CWC27: variants seen among roughly 807,000 people sequenced by gnomAD.
CWC27 encodes the protein CWC27 spliceosome associated cyclophilin, also known as spliceosome-associated protein CWC27 homolog.
In CWC27, 47 loss-of-function variants were observed where a neutral mutation model predicts 63.6. The ratio of observed to expected loss-of-function variants is 0.74; its 90% CI spans 0.58 to 0.94. CWC27 has a LOEUF of 0.94. Among genes scored for constraint, CWC27 ranks in the 40% least tolerant of loss-of-function variants. CWC27 has a pLI of 0.00. For missense variants in CWC27, 495 were observed against 554.3 expected (o/e 0.89, Z 1.07); for synonymous variants, 175 against 179.8 (o/e 0.97, Z 0.22).
At chr5:64,809,401 T>C (rs11748352) in intron 10 of CWC27, among the ~76,000 whole-genome samples, 55,188 of 152,066 alleles carry the variant, frequency 0.36, 10,585 homozygotes, top group East Asian at 0.51. Flanking sequence ...GCAGTCTCGC[T>C]CTGTTGCCCA....
chr5:64,936,834 G>A (rs1164799003), intron 11 of CWC27, among the ~76,000 whole-genome samples: 1 of 152,130 alleles, frequency 6.6e-6, no homozygotes, highest in Non-Finnish European at 1.5e-5. Flanking sequence ...TTTGGAGGGT[G>A]TATGTGTCCA....
intron 7 of CWC27, among the ~76,000 whole-genome samples, chr5:64,790,317 G>A (rs1182098324): frequency 3.3e-5 from 5 of 152,004 alleles, no homozygotes; most frequent in African/African-American, 7.2e-5. Context: ...ATTCCTTAAC[G>A]TCACCAATCA....
chr5:64,885,739 T>TGTGTGTGTG (rs1427858737), intron 11 of CWC27, among the ~76,000 whole-genome samples, 193 bp downstream of exon 11: 460 of 24,268 alleles, frequency 0.019, 5 homozygotes, highest in African/African-American at 0.036. Context: ...GTGTGTGTGT[T>TGTGTGTGTG]TTTAATACTT....
chr5:64,864,891 T>C (rs1261210558), intron 10 of CWC27, among the ~76,000 whole-genome samples: 1 of 152,132 alleles, frequency 6.6e-6, no homozygotes, highest in African/African-American at 2.4e-5. Context: ...TGTTTTATGG[T>C]GAGAACATTT....
intron 10 of CWC27, chr5:64,884,402 A>C (rs1223731342): frequency 6.6e-6 from 1 of 152,222 alleles, no homozygotes; most frequent in Non-Finnish European, 1.5e-5. Context: ...GAACTGAGTT[A>C]CACACATCGT....
At chr5:64,800,505 C>T (rs780357643) in intron 8 of CWC27, among the ~76,000 whole-genome samples, 178 bp downstream of exon 8, 11 of 152,262 alleles carry the variant, frequency 7.2e-5, no homozygotes, top group Non-Finnish European at 1.2e-4. Flanking sequence ...GAGAAACAAA[C>T]GCTCTAGTCA....
At chr5:64,808,209 G>A in intron 10 of CWC27, 1 of 1,005,434 alleles carries the variant, frequency 9.9e-7, no homozygotes, top group Non-Finnish European at 1.2e-6. Context: ...ATCCCCAGGT[G>A]ATTTTTGTGT....
intron 7 of CWC27, among the ~76,000 whole-genome samples, chr5:64,798,492 TTAAG>T (rs1744359756): frequency 6.6e-6 from 1 of 152,198 alleles, no homozygotes; most frequent in Non-Finnish European, 1.5e-5. Context: ...ACTCCTTAGT[TTAAG>T]TAAGTTTATG....
At chr5:64,981,144 C>T (rs1012654471) in intron 13 of CWC27, among the ~76,000 whole-genome samples, 1 of 151,864 alleles carries the variant, frequency 6.6e-6, no homozygotes, top group Non-Finnish European at 1.5e-5. Flanking sequence ...CAGACACACT[C>T]AAAAAAGGTA....
intron 11 of CWC27, among the ~76,000 whole-genome samples, chr5:64,888,306 T>C (rs9686133): frequency 1.4e-5 from 2 of 147,506 alleles, no homozygotes; most frequent in Non-Finnish European, 3.0e-5. Context: ...AATATAATTA[T>C]ATATAATATA....
In CWC27 at chr5:64,846,489, T is replaced by C. The variant is rs1217415060; in HGVS notation, c.939-38954T>C. ...TTATCAGCTTATACTTGATTGTTTA[T>C]AAGCTGTTATCAGTTTATACTTGAT... On this transcript the variant is annotated intron_variant, in intron 10 of 13. Coordinates refer to ENST00000381070, the MANE Select transcript of CWC27 (RefSeq NM_005869.4). 3.3e-5 allele frequency among the ~76,000 whole-genome samples: 5 copies of C among 152,348 alleles called. No individual in the cohort carries two copies. In the East Asian group the frequency reaches 9.6e-4, roughly 29 times the overall value.
chr5:64,874,810 C>G (rs1371065452), intron 10 of CWC27, among the ~76,000 whole-genome samples: 1 of 151,398 alleles, frequency 6.6e-6, no homozygotes, highest in Admixed American at 6.6e-5. Context: ...AAAATGTACT[C>G]TATTCAGCAC....
chr5:64,853,843 C>T (rs1746194008), intron 10 of CWC27, among the ~76,000 whole-genome samples: 1 of 152,220 alleles, frequency 6.6e-6, no homozygotes, highest in Non-Finnish European at 1.5e-5. Flanking sequence ...AGGAGACAAA[C>T]ATCCAAACTA....
chr5:64,841,603 A>C (rs1023855923), intron 10 of CWC27, among the ~76,000 whole-genome samples: 19 of 152,104 alleles, frequency 1.2e-4, no homozygotes, highest in Non-Finnish European at 2.4e-4. Flanking sequence ...CTTCCACATA[A>C]ATATTTAAGA....
intron 10 of CWC27, among the ~76,000 whole-genome samples, chr5:64,866,641 G>A (rs1224046773): frequency 1.3e-5 from 2 of 151,918 alleles, no homozygotes; most frequent in East Asian, 1.9e-4. Flanking sequence ...TGATTTCCCC[G>A]TGAGTTCTTC....
intron 10 of CWC27, among the ~76,000 whole-genome samples, chr5:64,876,034 A>G (rs907746576): frequency 1.3e-5 from 2 of 152,144 alleles, no homozygotes; most frequent in African/African-American, 4.8e-5. Context: ...TAGTTGTCCA[A>G]TGCGGTACTG....
chr5:64,917,329 CT>C (rs1019523020), intron 11 of CWC27, among the ~76,000 whole-genome samples: 52 of 152,266 alleles, frequency 3.4e-4, no homozygotes, highest in Non-Finnish European at 1.8e-4. Flanking sequence ...GGCATATTTC[CT>C]TGTCCAAGTA....
chr5:64,802,752 TG>T (rs1286074508), intron 9 of CWC27, among the ~76,000 whole-genome samples: 2 of 152,112 alleles, frequency 1.3e-5, no homozygotes, highest in African/African-American at 4.8e-5. Flanking sequence ...GAGAAAAGGA[TG>T]AAAAATAATG....
chr5:64,916,021 A>G (rs1336875510), intron 11 of CWC27, among the ~76,000 whole-genome samples: 1 of 152,130 alleles, frequency 6.6e-6, no homozygotes, highest in Admixed American at 6.5e-5. Flanking sequence ...TTCTCATTTC[A>G]TCTCACTGAT....
Sources: gnomAD v4.1 joint callset for allele counts (sites outside exome capture counted in the v4.1 genomes callset) on GRCh38, gnomAD v4.1.1 for gene constraint, MANE v1.5 for transcripts, NCBI Gene and HGNC (gene_info 2026-07-23, HGNC 2026-07-21) for gene names.